Variants in ASAH2 observed in about 807,000 individuals in gnomAD.
ASAH2 encodes the protein neutral ceramidase.
Under a neutral mutation model 82.9 loss-of-function variants are expected in ASAH2, and 58 were observed. The observed-to-expected ratio is 0.70, with a 90% CI of 0.57 to 0.87. ASAH2 has a LOEUF of 0.87. ASAH2 is among the 40% of genes least tolerant of loss of function. The pLI, the probability that ASAH2 is intolerant of heterozygous loss-of-function variation, is 0.00. For synonymous variants in ASAH2, 276 were observed against 289.7 expected, an observed-to-expected ratio of 0.95 and a Z score of 0.48; for missense variants, 779 against 834.0, an observed-to-expected ratio of 0.93 and a Z score of 0.81.
chr10:50,249,435 C>A (rs1201499927), intron 1 of ASAH2, among the ~76,000 whole-genome samples: 1 of 152,060 alleles, frequency 6.6e-6, no homozygotes, highest in East Asian at 1.9e-4. Context: ...GTTAAAACCC[C>A]ATATAATGTA....
At chr10:50,200,158 T>C (rs1845101603) in intron 16 of ASAH2, among the ~76,000 whole-genome samples, 2 of 151,506 alleles carry the variant, frequency 1.3e-5, no homozygotes, top group African/African-American at 4.9e-5. Flanking sequence ...CCTCTGCCTA[T>C]ACACAAGCCC....
At chr10:50,226,777 A>G (rs1156981413) in intron 7 of ASAH2, among the ~76,000 whole-genome samples, 3 of 152,164 alleles carry the variant, frequency 2.0e-5, no homozygotes, top group Non-Finnish European at 2.9e-5. Context: ...CTGGCACGGT[A>G]TCATTTCTGC....
intron 16 of ASAH2, among the ~76,000 whole-genome samples, chr10:50,199,743 G>A (rs1430385590): frequency 6.6e-6 from 1 of 150,838 alleles, no homozygotes; most frequent in East Asian, 2.0e-4. Flanking sequence ...TCCCATGTGA[G>A]GATCAGCCGG....
chr10:50,193,573 C>T (rs1461713674), intron 18 of ASAH2, among the ~76,000 whole-genome samples: 1 of 151,544 alleles, frequency 6.6e-6, no homozygotes, highest in East Asian at 1.9e-4. Context: ...ATTCTGTTCC[C>T]ACCAGGCCAG....
At chr10:50,245,079 C>A in intron 3 of ASAH2, 143 bp downstream of exon 3, 1 of 685,398 alleles carries the variant, frequency 1.5e-6, no homozygotes, top group Non-Finnish European at 2.4e-6. Context: ...GTATGAAATT[C>A]ATAGTGCTAG....
intron 12 of ASAH2, among the ~76,000 whole-genome samples, chr10:50,207,825 A>G (rs960474989): frequency 7.3e-4 from 111 of 152,024 alleles, no homozygotes; most frequent in African/African-American, 2.6e-3. Flanking sequence ...GGCCAATATT[A>G]TCCTGATATA....
Position 50,214,829 on chromosome 10 carries a change from C to T in ASAH2, c.1054G>A (p.Asp352Asn), listed in dbSNP as rs1368660971. The change falls in exon 9 of 21, where the codon GAT (aspartate) becomes AAT (asparagine). Residue 352 changes from aspartate to asparagine, a missense_variant. Around this residue, in one of 3 missense-constraint regions of ASAH2, gnomAD observed 759 missense variants for 755.2 expected, o/e 1.00. Transcript: ENST00000682911. ...VAAFASSNLGDVSPNILGPRC... is the reference protein window; with the variant it reads ...VAAFASSNLGNVSPNILGPRC... ...GGTCCAAGAATGTTGGGGGACACATCTCCTAGGTTTGATGAAGCAAAGGCT... is the reference window on the plus strand; with the variant it reads ...GGTCCAAGAATGTTGGGGGACACATTTCCTAGGTTTGATGAAGCAAAGGCT... 1.9e-6 allele frequency: 3 copies of T among 1,613,626 alleles called. No individual in the cohort carries two copies. Among genetic ancestry groups the T allele is most frequent in the South Asian group, 2.2e-5 (2 of 91,068 alleles).
At chr10:50,223,937 G>A (rs1470171165) in intron 7 of ASAH2, among the ~76,000 whole-genome samples, 5 of 152,256 alleles carry the variant, frequency 3.3e-5, no homozygotes, top group South Asian at 2.1e-4. Context: ...TCCCCCCTTA[G>A]AGCCTCCAGA....
intron 7 of ASAH2, among the ~76,000 whole-genome samples, chr10:50,227,922 TGAA>T (rs1845931760): frequency 6.6e-6 from 1 of 152,078 alleles, no homozygotes; most frequent in African/African-American, 2.4e-5. Context: ...CAAGCTCCAC[TGAA>T]GAAGAATACA....
intron 16 of ASAH2, among the ~76,000 whole-genome samples, chr10:50,201,556 G>C (rs1425604674): frequency 6.6e-6 from 1 of 152,060 alleles, no homozygotes; most frequent in African/African-American, 2.4e-5. Context: ...CACCCCTGTT[G>C]CACATACTGC....
At position 50,206,981 on chromosome 10, in the gene ASAH2, T is replaced by C. The variant is rs1266470852; in HGVS notation, c.1415-884A>G. On this transcript the variant is annotated intron_variant, in intron 12 of 20. Transcript: ENST00000682911. The stretch of plus-strand genomic sequence containing the variant: ...TTTACAAAGTAGAAATAATACAAAA[T>C]ATGTTTTCCAAATACAGTGAAATGA... 5.9e-5 allele frequency among the ~76,000 whole-genome samples: 9 copies of C among 151,950 alleles called. No individual in the cohort carries two copies. In the East Asian group the frequency reaches 1.4e-3, roughly 23 times the overall value.
intron 4 of ASAH2, among the ~76,000 whole-genome samples, chr10:50,241,309 T>A (rs994902868): frequency 3.3e-5 from 5 of 152,228 alleles, no homozygotes; most frequent in Non-Finnish European, 7.3e-5. Context: ...AATTTCCTAC[T>A]CAGTAATAGA....
rs1001436281 is a variant in ASAH2, at chr10:50,203,735, A to G, written c.1626-56T>C. On this transcript the variant is annotated intron_variant, in intron 14 of 20. Coordinates refer to ENST00000682911, the MANE Select transcript of ASAH2 (RefSeq NM_019893.4). ...TTCCTACTAGACGTATGCAGAGTAC[A>G]CAGAAACACTGGCAGTGAAAGCCAA... The G allele has an allele frequency of 2.0e-3, 3,103 of 1,521,542 alleles. 49 individuals are homozygous for G. In the African/African-American group the frequency reaches 0.035, roughly 17 times the overall value. The allele number at this position is 1,521,542 out of a possible 1,614,324, so 94.3% of individuals were successfully genotyped here. A position where few individuals can be genotyped will look rare whatever the true frequency, so the allele number is the denominator to read the frequency against.
chr10:50,234,761 G>A (rs548524745), intron 5 of ASAH2, among the ~76,000 whole-genome samples: 7,283 of 152,080 alleles, frequency 0.048, 249 homozygotes, highest in South Asian at 0.14. Context: ...GGGAAATGCC[G>A]TGTTATACGG....
intron 5 of ASAH2, 31 bp downstream of exon 5, chr10:50,235,857 A>G (rs1846146459): frequency 1.2e-6 from 2 of 1,610,342 alleles, no homozygotes; most frequent in African/African-American, 2.7e-5. Context: ...GCAATGGTAA[A>G]GAACAGCTGC....
At chr10:50,211,183 C>T (rs879956664) in intron 10 of ASAH2, 49 bp from the exon 11 acceptor site, 1,098,061 of 1,302,810 alleles carry the variant, frequency 0.84, 470,043 homozygotes, top group Non-Finnish European at 0.89. Flanking sequence ...CTAAAGTGAT[C>T]ATCTCCAACT....
intron 9 of ASAH2, 109 bp downstream of exon 9, chr10:50,214,634 G>C: frequency 7.4e-7 from 1 of 1,357,156 alleles, no homozygotes; most frequent in Non-Finnish European, 1.0e-6. Flanking sequence ...GGGAGAACTA[G>C]GCCAGTGTAT....
Position 50,245,394 on chromosome 10 carries a change from G to T in ASAH2, c.188C>A (p.Ala63Asp). ...CTGGGTGGCTGTGGAGCGTTGGGCAGCTGTGGAGCCCTGGGTGGCTGGAGG... is the reference window on the plus strand; with the variant it reads ...CTGGGTGGCTGTGGAGCGTTGGGCATCTGTGGAGCCCTGGGTGGCTGGAGG... ...QSPPATQGST[A>D]AQRSTATQHS... Residue 63 changes from alanine (A) to aspartate (D), a missense_variant, in exon 3 of 21, where the codon GCT becomes GAT. Physicochemically the swap from Ala to Asp is moderately radical, Grantham distance 126. Around this residue, in one of 3 missense-constraint regions of ASAH2, gnomAD observed 759 missense variants for 755.2 expected, o/e 1.00. Coordinates refer to ENST00000682911, the MANE Select transcript of ASAH2 (RefSeq NM_019893.4). The T allele has an allele frequency of 6.2e-7, 1 of 1,613,940 alleles. No homozygotes were observed. The highest frequency in any genetic ancestry group is 8.5e-7 in the Non-Finnish European group (1 of 1,179,946).
At chr10:50,237,665 A>G (rs1421516440) in intron 4 of ASAH2, among the ~76,000 whole-genome samples, 1 of 152,230 alleles carries the variant, frequency 6.6e-6, no homozygotes, top group Non-Finnish European at 1.5e-5. Context: ...ATGTCTTCAT[A>G]TGGTGCATAC....
Sources: allele counts gnomAD v4.1 joint callset (sites outside exome capture counted in the v4.1 genomes callset), GRCh38; gene constraint gnomAD v4.1.1; regional missense constraint gnomAD v4.1.1; transcripts MANE v1.5; gene names NCBI Gene and HGNC (gene_info 2026-07-23, HGNC 2026-07-21).